Variants in MGST1 observed in about 807,000 individuals in gnomAD.
The protein encoded by MGST1 is glutathione S-transferase 12.
A neutral mutation model predicts 8.9 loss-of-function variants in MGST1; 5 were observed. The observed-to-expected ratio is 0.56, with a 90% CI of 0.29 to 1.19. MGST1 has a LOEUF of 1.19. Among genes scored for constraint, MGST1 ranks in the 50% most tolerant of loss-of-function variants. The pLI is 0.08. For missense variants in MGST1, 182 were observed against 187.4 expected, an observed-to-expected ratio of 0.97 and a Z score of 0.17; for synonymous variants, 54 against 67.8, an observed-to-expected ratio of 0.80 and a Z score of 1.00.
Position 16,546,974 on chromosome 12 carries a change from C to T in MGST1, n.483-42554C>T, listed in dbSNP as rs182223447. 6.6e-6 allele frequency among the ~76,000 whole-genome samples: 1 copy of T among 152,222 alleles called. No homozygotes were observed. The highest frequency in any genetic ancestry group is 1.5e-5 in the Non-Finnish European group (1 of 67,996). ...ATACTAAAGCGTTGTAAAATTGACTCAAGTGTTTTAGCAGCTATTCTTTGT... is the reference window on the plus strand; with the variant it reads ...ATACTAAAGCGTTGTAAAATTGACTTAAGTGTTTTAGCAGCTATTCTTTGT... On this transcript the variant is annotated intron_variant and non_coding_transcript_variant, in intron 4 of 4. Coordinates refer to the MGST1 transcript ENST00000538857. The surrounding 1 kb of genome is among the most constrained non-coding windows in gnomAD (Gnocchi z 4.7).
chr12:16,547,483 C>T lies in MGST1; in HGVS notation n.483-42045C>T, dbSNP rs1220469414. Among the ~76,000 whole-genome samples, 5 of 152,060 alleles carry T rather than the reference C, an allele frequency of 3.3e-5. No individual in the cohort carries two copies. Among genetic ancestry groups the T allele is most frequent in the South Asian group, 2.1e-4 (1 of 4,824 alleles). ...TGCTGGAGAGGTAGAAGATGCTATT[C>T]GCTTTTGTGTGCTCATTATTAGCAG... On this transcript the variant is annotated intron_variant and non_coding_transcript_variant, in intron 4 of 4. Coordinates refer to the MGST1 transcript ENST00000538857. This position sits in a 1 kb window ranked among gnomAD's most constrained non-coding sequence, Gnocchi z 4.6.
rs543091436 is a variant in MGST1, at chr12:16,399,131, T to C, written n.778+15527T>C. 3.9e-6 allele frequency: 3 copies of C among 778,612 alleles called. No homozygotes were observed. In the African/African-American group the frequency reaches 5.2e-5, roughly 13 times the overall value. The allele number at this position is 778,612 out of a possible 1,614,324, so 48.2% of individuals were successfully genotyped here. A position where few individuals can be genotyped will look rare whatever the true frequency, so the allele number is the denominator to read the frequency against. ...GCCTGGAATGCTCCGAGTAGATTGGTCCACATAAATGGCCCCCGAAACCCA... is the reference window on the plus strand; with the variant it reads ...GCCTGGAATGCTCCGAGTAGATTGGCCCACATAAATGGCCCCCGAAACCCA... On this transcript the variant is annotated intron_variant and non_coding_transcript_variant, in intron 1 of 1. Transcript: ENST00000359720.
chr12:16,377,788 C>T (rs1050045569), downstream of MGST1, among the ~76,000 whole-genome samples: 2 of 151,788 alleles, frequency 1.3e-5, no homozygotes, highest in Non-Finnish European at 2.9e-5. Context: ...CCTATTTCTC[C>T]ACATCCTCTC....
intron 4 of MGST1, among the ~76,000 whole-genome samples, chr12:16,539,153 A>G (rs567915729): frequency 6.4e-4 from 97 of 152,298 alleles, no homozygotes; most frequent in African/African-American, 2.3e-3. Flanking sequence ...AGACAACTTT[A>G]TTGAAATTAA....
intron 4 of MGST1, among the ~76,000 whole-genome samples, chr12:16,528,113 C>T (rs1941700704): frequency 6.6e-6 from 1 of 151,998 alleles, no homozygotes; most frequent in Non-Finnish European, 1.5e-5. Flanking sequence ...TAGACCTAGC[C>T]AGATGATGAA....
chr12:16,394,520 T>C (rs28525392), intron 1 of MGST1, among the ~76,000 whole-genome samples: 453 of 5,502 alleles, frequency 0.082, 14 homozygotes, highest in East Asian at 0.17. Flanking sequence ...CTCCCTTTCT[T>C]TCTTTCTTTC....
intron 4 of MGST1, among the ~76,000 whole-genome samples, chr12:16,519,573 T>C (rs186104704): frequency 6.6e-6 from 1 of 152,334 alleles, no homozygotes; most frequent in Admixed American, 6.5e-5. Context: ...CTCCTTTTAC[T>C]ACTTGCTTAG....
intron 4 of MGST1, among the ~76,000 whole-genome samples, chr12:16,499,301 C>A (rs1256170694): frequency 6.6e-6 from 1 of 152,200 alleles, no homozygotes; most frequent in East Asian, 1.9e-4. Flanking sequence ...ACAGGTATTC[C>A]TTTCCTTATC....
rs145093469 is a variant in MGST1, at chr12:16,564,917, C to T, written n.483-24611C>T. ...CTTCGTGCCTCAGCTCCCCAAGTAG[C>T]TGGGACCACAAGTGCATATCAACAG... On this transcript the variant is annotated intron_variant and non_coding_transcript_variant, in intron 4 of 4. Coordinates refer to the MGST1 transcript ENST00000538857. Among the ~76,000 whole-genome samples, 30 of 152,172 alleles carry T rather than the reference C, an allele frequency of 2.0e-4. No homozygotes were observed. In the East Asian group the frequency reaches 5.6e-3, roughly 28 times the overall value.
chr12:16,421,356 A>G (rs1385249234), intron 1 of MGST1, among the ~76,000 whole-genome samples: 2 of 152,148 alleles, frequency 1.3e-5, no homozygotes, highest in Non-Finnish European at 2.9e-5. Flanking sequence ...CTTAGCTTAA[A>G]GTTTAATCAA....
intron 4 of MGST1, among the ~76,000 whole-genome samples, chr12:16,507,367 A>G (rs1941545036): frequency 6.6e-6 from 1 of 152,164 alleles, no homozygotes; most frequent in Non-Finnish European, 1.5e-5. Flanking sequence ...AGTTTATTCT[A>G]AAATAATGAG....
At chr12:16,347,355 A>G (rs1171419702), upstream of MGST1, among the ~76,000 whole-genome samples, 1 of 152,222 alleles carries the variant, frequency 6.6e-6, no homozygotes, top group African/African-American at 2.4e-5. The surrounding 1 kb of genome is among the most constrained non-coding windows in gnomAD (Gnocchi z 4.0). Context: ...AACAACTTCC[A>G]AAACTCTGCT....
intron 4 of MGST1, among the ~76,000 whole-genome samples, chr12:16,473,774 G>C (rs1162463649): frequency 6.6e-6 from 1 of 152,098 alleles, no homozygotes; most frequent in Non-Finnish European, 1.5e-5. Flanking sequence ...CCAGCTACTT[G>C]GGAGGCTGAG....
intron 4 of MGST1, among the ~76,000 whole-genome samples, chr12:16,456,272 G>C (rs1427742171): frequency 7.2e-5 from 11 of 151,746 alleles, no homozygotes; most frequent in Admixed American, 7.2e-4. Context: ...TCTTGTAAAT[G>C]CATATAAGTT....
chr12:16,464,975 C>T (rs1941243759), intron 4 of MGST1, among the ~76,000 whole-genome samples: 1 of 152,226 alleles, frequency 6.6e-6, no homozygotes, highest in East Asian at 1.9e-4. Context: ...CAGCAGTGCT[C>T]TGTGTTGTTT....
rs1376889945 is a variant in MGST1, at chr12:16,413,974, A to T, written n.779-23414A>T. Among the ~76,000 whole-genome samples, 3 of 152,182 alleles carry T rather than the reference A, an allele frequency of 2.0e-5. No individual in the cohort carries two copies. Among genetic ancestry groups the T allele is most frequent in the African/African-American group, 7.2e-5 (3 of 41,450 alleles). On this transcript the variant is annotated intron_variant and non_coding_transcript_variant, in intron 1 of 1. Coordinates refer to the MGST1 transcript ENST00000359720. This position sits in a 1 kb window ranked among gnomAD's most constrained non-coding sequence, Gnocchi z 4.0. Reference sequence around the variant, plus strand: ...TTCTGCAAAATTTAGAAAATTCAGAATAAATATAAGTTTTGTAGAAACTGT... The same window carrying T: ...TTCTGCAAAATTTAGAAAATTCAGATTAAATATAAGTTTTGTAGAAACTGT...
chr12:16,449,459 C>T (rs1158007905), intron 4 of MGST1, among the ~76,000 whole-genome samples: 1 of 151,874 alleles, frequency 6.6e-6, no homozygotes, highest in East Asian at 1.9e-4. Context: ...TAAGACAGGA[C>T]CCCCACTCAA....
At chr12:16,438,249 C>G (rs1298191285) in exon 2 of MGST1, 1 of 151,826 alleles carries the variant, frequency 6.6e-6, no homozygotes, top group Non-Finnish European at 1.5e-5. Context: ...GATTTTTCTA[C>G]AAAAGGAGAG....
intron 4 of MGST1, among the ~76,000 whole-genome samples, chr12:16,465,055 A>G (rs912249751): frequency 2.6e-5 from 4 of 152,198 alleles, no homozygotes; most frequent in African/African-American, 9.6e-5. Flanking sequence ...AGAAGTGTGC[A>G]TGACCAGCCA....
Sources: gnomAD v4.1 joint callset for allele counts (sites outside exome capture counted in the v4.1 genomes callset) on GRCh38, gnomAD v4.1.1 for gene constraint, Gnocchi (gnomAD v3.1) non-coding constraint, MANE v1.5 for transcripts, NCBI Gene and HGNC (gene_info 2026-07-23, HGNC 2026-07-21) for gene names.